AFF1: variants seen among roughly 807,000 people sequenced by gnomAD.
AFF1 encodes AF4/FMR2 family member 1.
A neutral mutation model predicts 121.7 loss-of-function variants in AFF1; 48 were observed. The ratio of observed to expected loss-of-function variants is 0.39; its 90% confidence interval spans 0.31 to 0.50. The LOEUF is 0.50. AFF1 is among the 20% of genes least tolerant of loss of function. The pLI is 0.76. For synonymous variants in AFF1, 613 were observed against 563.0 expected (o/e 1.09, Z -1.26); for missense variants, 1,523 against 1,511.7 (o/e 1.01, Z -0.12).
intron 4 of AFF1, among the ~76,000 whole-genome samples, chr4:87,057,389 C>T (rs1342394389): frequency 6.6e-6 from 1 of 152,180 alleles, no homozygotes; most frequent in African/African-American, 2.4e-5. Context: ...GGTGGTACAG[C>T]TTGGGCTTAT....
At chr4:86,968,422 A>T (rs933284752) in intron 2 of AFF1, among the ~76,000 whole-genome samples, 21 of 152,054 alleles carry the variant, frequency 1.4e-4, no homozygotes, top group African/African-American at 5.1e-4. Context: ...TGGATTTAGG[A>T]TGTAGTTTTG....
At chr4:87,127,776 C>A in intron 16 of AFF1, 73 bp downstream of exon 16, 1 of 1,440,620 alleles carries the variant, frequency 6.9e-7, no homozygotes, top group Non-Finnish European at 9.7e-7. Context: ...AGTCTCCATT[C>A]TGCTGTATTC....
chr4:86,978,529 G>A (rs1315380929), intron 2 of AFF1, among the ~76,000 whole-genome samples: 1 of 151,928 alleles, frequency 6.6e-6, no homozygotes, highest in Non-Finnish European at 1.5e-5. Flanking sequence ...AAATTTCATA[G>A]TGTAGTTTCT....
intron 1 of AFF1, among the ~76,000 whole-genome samples, chr4:86,938,309 G>A (rs1320173109): frequency 6.6e-6 from 1 of 152,084 alleles, no homozygotes; most frequent in African/African-American, 2.4e-5. Context: ...AAGTAGCTGG[G>A]CATGATGGCG....
At chr4:86,978,142 T>C (rs1273433021) in intron 2 of AFF1, among the ~76,000 whole-genome samples, 1 of 121,044 alleles carries the variant, frequency 8.3e-6, no homozygotes, top group Non-Finnish European at 2.0e-5. Context: ...GTCTCATTGA[T>C]GGTAGCTTAC....
At chr4:86,995,458 C>G (rs1465398180) in intron 2 of AFF1, among the ~76,000 whole-genome samples, 1 of 151,278 alleles carries the variant, frequency 6.6e-6, no homozygotes. Context: ...ATTGCAGGCG[C>G]GCGCCGCCAC....
chr4:87,062,569 A>C (rs1405647318), intron 4 of AFF1, among the ~76,000 whole-genome samples: 1 of 152,168 alleles, frequency 6.6e-6, no homozygotes, highest in Non-Finnish European at 1.5e-5. Context: ...ATAGCACTTA[A>C]ATGGTGGTGC....
intron 6 of AFF1, 128 bp from the exon 7 acceptor site, chr4:87,091,665 T>C: frequency 1.5e-6 from 1 of 646,940 alleles, no homozygotes; most frequent in Non-Finnish European, 2.7e-6. Flanking sequence ...CTCTACACTG[T>C]TTCCATTTTT....
chr4:87,129,667 AT>A (rs1187351280), intron 16 of AFF1, among the ~76,000 whole-genome samples: 1 of 152,250 alleles, frequency 6.6e-6, no homozygotes, highest in Non-Finnish European at 1.5e-5. Flanking sequence ...TAGAGAAAGT[AT>A]TTTTTGATTA....
chr4:87,062,212 T>C (rs974803051), intron 4 of AFF1, among the ~76,000 whole-genome samples: 1 of 152,136 alleles, frequency 6.6e-6, no homozygotes, highest in African/African-American at 2.4e-5. Context: ...TTTCTCGCAG[T>C]TTTAGAGATT....
At position 87,127,643 on chromosome 4, in the gene AFF1, A is replaced by G; in HGVS notation, c.2904A>G (p.Lys968=). 4 of 1,614,098 alleles carry G rather than the reference A, an allele frequency of 2.5e-6. No individual in the cohort carries two copies. The highest frequency in any genetic ancestry group is 3.4e-6 in the Non-Finnish European group (4 of 1,180,026). Residue 968 remains lysine, a splice_region_variant and synonymous_variant, in exon 16 of 21, where the codon AAA becomes AAG. Coordinates refer to ENST00000395146, the MANE Select transcript of AFF1 (RefSeq NM_001166693.3). ...GTCCCTGGTTTTTCCTCTTTTTCAG[A>G]CAACAAGCAGACCTTCACATGAGGG... The part of the protein sequence containing the change: ...KPGKPQVKFD[K]QQADLHMREA...
chr4:86,985,205 AT>A (rs1193788151), intron 2 of AFF1, among the ~76,000 whole-genome samples: 58 of 127,618 alleles, frequency 4.5e-4, no homozygotes, highest in Middle Eastern at 3.7e-3. Context: ...ATATATATAT[AT>A]ATATATATAA....
At chr4:87,036,825 TCCCCTCCCCCATCCC>T (rs753436384) in intron 2 of AFF1, 2 of 510,756 alleles carry the variant, frequency 3.9e-6, no homozygotes, top group Non-Finnish European at 7.8e-6. Flanking sequence ...TTTCTCTCTC[TCCCCTCCCCCATCCC>T]CCCTTTTTTT....
intron 4 of AFF1, among the ~76,000 whole-genome samples, chr4:87,073,468 A>G (rs561494719): frequency 6.6e-6 from 1 of 152,152 alleles, no homozygotes; most frequent in Admixed American, 6.5e-5. Flanking sequence ...CCTCTAGCCT[A>G]CCACTTCAAT....
Position 87,131,168 on chromosome 4 carries a change from A to C in AFF1, c.3050A>C (p.Gln1017Pro), listed in dbSNP as rs780650684. 6.2e-7 allele frequency: 1 copy of C among 1,614,246 alleles called. No homozygotes were observed. Among genetic ancestry groups the C allele is most frequent in the African/African-American group, 1.3e-5 (1 of 75,062 alleles). ...ECGIATESES[Q>P]SSKSAYSVYS... ...GGAATTGCCACAGAGTCTGAAAGCCAGTCATCCAAGTCAGCTTACTCTGTC... is the reference window on the plus strand; with the variant it reads ...GGAATTGCCACAGAGTCTGAAAGCCCGTCATCCAAGTCAGCTTACTCTGTC... Residue 1017 changes from glutamine to proline, a missense_variant, in exon 17 of 21, where the codon CAG becomes CCG. By Grantham distance (76) the Gln-to-Pro change is moderately conservative. This residue lies in a region of AFF1 where 241 missense variants were observed against 265.2 expected (regional missense o/e 0.91). Transcript: ENST00000395146.
At chr4:86,996,267 T>C (rs1194840365) in intron 2 of AFF1, among the ~76,000 whole-genome samples, 4 of 151,872 alleles carry the variant, frequency 2.6e-5, no homozygotes, top group South Asian at 4.2e-4. Flanking sequence ...ACAATGGCGG[T>C]TTTGTGGAAT....
intron 19 of AFF1, 68 bp downstream of exon 19, chr4:87,132,476 CA>C (rs1578325020): frequency 4.6e-6 from 7 of 1,509,036 alleles, no homozygotes; most frequent in Non-Finnish European, 6.2e-6. Flanking sequence ...CTTGCTTTTG[CA>C]ACCATTTGTA....
At chr4:87,129,889 C>T (rs1728645762) in intron 16 of AFF1, among the ~76,000 whole-genome samples, 1 of 152,148 alleles carries the variant, frequency 6.6e-6, no homozygotes, top group African/African-American at 2.4e-5. Context: ...AGTAGCATGA[C>T]AGCCCATACC....
At chr4:87,084,464 G>A (rs895421351) in intron 5 of AFF1, among the ~76,000 whole-genome samples, 2 of 151,778 alleles carry the variant, frequency 1.3e-5, no homozygotes, top group Non-Finnish European at 2.9e-5. Flanking sequence ...TCCTGAACTC[G>A]ATTGAACCCG....
Sources: allele counts gnomAD v4.1 joint callset (sites outside exome capture counted in the v4.1 genomes callset), GRCh38; gene constraint gnomAD v4.1.1; regional missense constraint gnomAD v4.1.1; transcripts MANE v1.5; gene names NCBI Gene and HGNC (gene_info 2026-07-23, HGNC 2026-07-21).